Variants in GPHN observed in about 807,000 individuals in gnomAD.
GPHN encodes the protein gephyrin.
A neutral mutation model predicts 95.5 loss-of-function variants in GPHN; 17 were observed. The observed-to-expected ratio is 0.18, with a 90% confidence interval of 0.12 to 0.27. The LOEUF (loss-of-function observed/expected upper bound fraction) is 0.27. Among genes scored for constraint, GPHN ranks in the 10% least tolerant of loss-of-function variants. GPHN has a pLI of 1.00. For synonymous variants in GPHN, 320 were observed against 322.5 expected, an observed-to-expected ratio of 0.99 and a Z score of 0.08; for missense variants, 660 against 978.1, an observed-to-expected ratio of 0.67 and a Z score of 4.34.
At chr14:67,479,056 A>T in the GPHN span, among the ~76,000 whole-genome samples, 1 of 152,320 alleles carries the variant, frequency 6.6e-6, no homozygotes, top group East Asian at 1.9e-4. Flanking sequence ...ATTTTTCTGC[A>T]TACTTTTTTT....
chr14:67,579,794 A>G, the GPHN span: 2 of 1,611,726 alleles, frequency 1.2e-6, no homozygotes, highest in African/African-American at 1.3e-5. Context: ...GGCATGAGAA[A>G]GCCATCCCAC....
At chr14:67,047,334 TTGTGTGTGTG>T (rs778266656) in intron 10 of GPHN, among the ~76,000 whole-genome samples, 1 of 109,706 alleles carries the variant, frequency 9.1e-6, no homozygotes, top group Non-Finnish European at 1.7e-5. Context: ...GTGTGTGTGT[TTGTGTGTGTG>T]TGTGTGTGTG....
chr14:66,643,820 G>A (rs1316700771), intron 1 of GPHN, among the ~76,000 whole-genome samples: 1 of 150,950 alleles, frequency 6.6e-6, no homozygotes, highest in South Asian at 2.1e-4. Flanking sequence ...AGGAATTGGT[G>A]TTTTCACTCT....
the GPHN span, among the ~76,000 whole-genome samples, chr14:67,286,869 A>G: frequency 3.3e-5 from 5 of 151,016 alleles, no homozygotes; most frequent in Admixed American, 6.7e-5. Flanking sequence ...AAAAAAAAAA[A>G]AAAAAGAAAA....
intron 11 of GPHN, among the ~76,000 whole-genome samples, chr14:67,088,031 G>A (rs890259762): frequency 1.3e-5 from 2 of 152,140 alleles, no homozygotes; most frequent in Non-Finnish European, 2.9e-5. Context: ...TTCATCCAGA[G>A]TAGTCTGAAT....
chr14:67,099,585 T>G (rs1595131157), intron 12 of GPHN, among the ~76,000 whole-genome samples: 1 of 149,938 alleles, frequency 6.7e-6, no homozygotes, highest in African/African-American at 2.4e-5. Context: ...GTTTATTAAC[T>G]GAGATAATAT....
At chr14:66,567,713 T>A (rs1182616986) in intron 1 of GPHN, among the ~76,000 whole-genome samples, 2 of 152,234 alleles carry the variant, frequency 1.3e-5, no homozygotes, top group African/African-American at 4.8e-5. Context: ...CTTTTGTTGC[T>A]TTTGTTTACT....
the GPHN span, among the ~76,000 whole-genome samples, chr14:67,213,328 C>T: frequency 8.6e-6 from 1 of 115,824 alleles, no homozygotes; most frequent in Non-Finnish European, 1.7e-5. Flanking sequence ...CCCCACCCCA[C>T]AACAGTCCCT....
At chr14:67,555,456 C>T in the GPHN span, among the ~76,000 whole-genome samples, 2 of 152,134 alleles carry the variant, frequency 1.3e-5, no homozygotes, top group Non-Finnish European at 2.9e-5. Context: ...CACCTTCGAC[C>T]CAATGCTGAG....
intron 5 of GPHN, among the ~76,000 whole-genome samples, chr14:66,912,062 G>A (rs2065698610): frequency 6.6e-6 from 1 of 151,970 alleles, no homozygotes; most frequent in Admixed American, 6.6e-5. Flanking sequence ...TTATTTCTCT[G>A]CTCAAAATTT....
the GPHN span, among the ~76,000 whole-genome samples, chr14:67,458,698 T>C: frequency 6.6e-6 from 1 of 152,116 alleles, no homozygotes; most frequent in Admixed American, 6.5e-5. Flanking sequence ...AACTGATACT[T>C]TATATGCTAT....
the GPHN span, among the ~76,000 whole-genome samples, chr14:67,481,413 C>T: frequency 4.6e-5 from 7 of 152,130 alleles, no homozygotes; most frequent in Admixed American, 2.6e-4. Flanking sequence ...AAGCACACCA[C>T]GGCAATGTCA....
intron 11 of GPHN, among the ~76,000 whole-genome samples, chr14:67,064,931 C>T (rs1255687234): frequency 6.6e-6 from 1 of 152,156 alleles, no homozygotes; most frequent in African/African-American, 2.4e-5. Context: ...TCTCTGTCTC[C>T]TTCAGTTCTG....
chr14:67,278,158 T>A, the GPHN span, among the ~76,000 whole-genome samples: 3 of 151,958 alleles, frequency 2.0e-5, no homozygotes, highest in African/African-American at 7.2e-5. Context: ...TGCCTCAGCC[T>A]TCTGAGTAGC....
chr14:66,696,931 T>A (rs911040984), intron 2 of GPHN, among the ~76,000 whole-genome samples: 1 of 152,232 alleles, frequency 6.6e-6, no homozygotes, highest in African/African-American at 2.4e-5. Context: ...AGAAAAATAT[T>A]TAAGTCACTT....
intron 2 of GPHN, among the ~76,000 whole-genome samples, chr14:66,688,530 T>A (rs894032738): frequency 1.3e-5 from 2 of 152,222 alleles, no homozygotes; most frequent in Admixed American, 1.3e-4. Context: ...TGGTACTTAT[T>A]TTTTACCTTG....
intron 18 of GPHN, among the ~76,000 whole-genome samples, chr14:67,144,253 ATATATATATATATAT>A (rs2080728659): frequency 2.2e-5 from 1 of 46,456 alleles, no homozygotes; most frequent in African/African-American, 9.4e-5. Flanking sequence ...AAAAAAAAAT[ATATATATATATATAT>A]ATATATATAT....
intron 1 of GPHN, among the ~76,000 whole-genome samples, chr14:66,561,465 A>C (rs567027738): frequency 6.6e-6 from 1 of 152,040 alleles, no homozygotes; most frequent in South Asian, 2.1e-4. Flanking sequence ...AGGTTTCTTG[A>C]ATCTGAGGTA....
At chr14:66,684,838 TGTGC>T (rs1475371380) in intron 2 of GPHN, among the ~76,000 whole-genome samples, 1 of 152,122 alleles carries the variant, frequency 6.6e-6, no homozygotes, top group African/African-American at 2.4e-5. Flanking sequence ...GCCATGTTGG[TGTGC>T]TGCACTCATT....
Sources: gnomAD v4.1 joint callset for allele counts (sites outside exome capture counted in the v4.1 genomes callset) on GRCh38, gnomAD v4.1.1 for gene constraint, MANE v1.5 for transcripts, NCBI Gene and HGNC (gene_info 2026-07-23, HGNC 2026-07-21) for gene names.